Variants in CHD2 observed in about 807,000 individuals in gnomAD.
CHD2 encodes the protein ATP-dependent chromatin remodeler CHD2.
In CHD2, 28 loss-of-function variants were observed where a neutral mutation model predicts 243.9. That is an observed-to-expected ratio of 0.11 (90% CI 0.09 to 0.16). The LOEUF (loss-of-function observed/expected upper bound fraction) is 0.16. Among genes scored for constraint, CHD2 ranks in the 10% least tolerant of loss-of-function variants. The probability of loss-of-function intolerance (pLI) is 1.00; values close to 1 mark genes in which losing one functional copy is unlikely to be tolerated. For synonymous variants in CHD2, 775 were observed against 779.0 expected (o/e 0.99, Z 0.09); for missense variants, 1,386 against 2,209.8 (o/e 0.63, Z 7.47).
intron 3 of CHD2, among the ~76,000 whole-genome samples, chr15:92,924,851 T>C (rs2053028043): frequency 6.6e-6 from 1 of 152,120 alleles, no homozygotes; most frequent in South Asian, 2.1e-4. Context: ...CAGCCTGGAG[T>C]GCGCAGTGGC....
At chr15:92,986,792 T>A (rs1314502525) in intron 26 of CHD2, among the ~76,000 whole-genome samples, 1 of 152,212 alleles carries the variant, frequency 6.6e-6, no homozygotes, top group Non-Finnish European at 1.5e-5. Flanking sequence ...CCTATCTCAC[T>A]GTAACCTCAC....
intron 16 of CHD2, 121 bp downstream of exon 16, chr15:92,956,770 A>C: frequency 1.1e-6 from 1 of 884,044 alleles, no homozygotes; most frequent in Non-Finnish European, 1.7e-6. Flanking sequence ...CAAAGCGTCA[A>C]ATGGAGGCAG....
intron 4 of CHD2, among the ~76,000 whole-genome samples, chr15:92,928,519 C>T (rs1567128700): frequency 6.6e-6 from 1 of 152,196 alleles, no homozygotes; most frequent in Non-Finnish European, 1.5e-5. Flanking sequence ...AAAATGAATA[C>T]ATCAGTAGTT....
In CHD2 at chr15:93,001,160, G is replaced by A. The variant is rs117418126; in HGVS notation, c.4137+520G>A. ...GCTGGGATTACAGGCGTGAGTCACCGCGCCCGTCCTAAAGTTTTAATGATA... is the reference window on the plus strand; with the variant it reads ...GCTGGGATTACAGGCGTGAGTCACCACGCCCGTCCTAAAGTTTTAATGATA... On this transcript the variant is annotated intron_variant, in intron 32 of 38. Coordinates refer to ENST00000394196, the MANE Select transcript of CHD2 (RefSeq NM_001271.4). Among the ~76,000 whole-genome samples, 1,522 of 152,224 alleles carry A rather than the reference G, an allele frequency of 1.0e-2. 17 individuals are homozygous for A. The highest frequency in any genetic ancestry group is 0.017 in the Non-Finnish European group (1,158 of 67,994).
chr15:92,948,891 C>A, intron 12 of CHD2, 61 bp from the exon 13 acceptor site: 1 of 1,522,512 alleles, frequency 6.6e-7, no homozygotes, highest in Non-Finnish European at 8.9e-7. Flanking sequence ...TGAATTGTGG[C>A]TAGCGTTTTA....
At chr15:92,922,264 T>G (rs2052969957) in intron 2 of CHD2, among the ~76,000 whole-genome samples, 1 of 152,152 alleles carries the variant, frequency 6.6e-6, no homozygotes, top group African/African-American at 2.4e-5. Context: ...AAGAGGTCAG[T>G]TTTTTTCGTC....
chr15:92,970,626 C>T (rs148528525), intron 17 of CHD2, among the ~76,000 whole-genome samples: 58 of 152,076 alleles, frequency 3.8e-4, no homozygotes, highest in African/African-American at 1.3e-3. Context: ...GGTAGCATAC[C>T]GTATACACTT....
At position 92,984,541 on chromosome 15, in the gene CHD2, T is replaced by C. The variant is rs373889010; in HGVS notation, c.3237+41T>C. On this transcript the variant is annotated intron_variant, in intron 25 of 38. Transcript: ENST00000394196. ...GAAAGATATGAAATTATTTCTTATG[T>C]TGTGAATGCTACAGAAGTGTTGATT... The C allele has an allele frequency of 1.0e-4, 159 of 1,555,184 alleles. 1 individual carries two copies. The highest frequency in any genetic ancestry group is 6.2e-4 in the South Asian group (50 of 80,798).
At chr15:92,916,728 AT>A (rs1404593499) in intron 2 of CHD2, among the ~76,000 whole-genome samples, 2 of 152,018 alleles carry the variant, frequency 1.3e-5, no homozygotes, top group African/African-American at 4.8e-5. Flanking sequence ...TAATTTTTGT[AT>A]TTTTAGTAGA....
At chr15:92,912,773 ATCCGCCAACCTTG>A (rs2052763027) in intron 2 of CHD2, among the ~76,000 whole-genome samples, 1 of 147,156 alleles carries the variant, frequency 6.8e-6, no homozygotes, top group Non-Finnish European at 1.5e-5. Flanking sequence ...TGACCTCGTG[ATCCGCCAACCTTG>A]TGATCCGCCC....
rs116976625 is a variant in CHD2, at chr15:92,983,808, C to T, written c.3067-522C>T. Among the ~76,000 whole-genome samples the T allele has an allele frequency of 8.3e-3, 1,265 of 152,210 alleles. 15 individuals are homozygous for T. The highest frequency in any genetic ancestry group is 0.026 in the African/African-American group (1,084 of 41,542). Reference sequence around the variant, plus strand: ...TTTTATTTCCTAAGACTAAAGTGCACTTGTGAGCATATGAAATCACCACAC... The same window carrying T: ...TTTTATTTCCTAAGACTAAAGTGCATTTGTGAGCATATGAAATCACCACAC... On this transcript the variant is annotated intron_variant, in intron 24 of 38. Transcript: ENST00000394196.
chr15:92,955,719 T>G (rs941200386), intron 15 of CHD2, among the ~76,000 whole-genome samples: 5 of 152,222 alleles, frequency 3.3e-5, no homozygotes, highest in Non-Finnish European at 7.3e-5. Context: ...CCAGAAAAAT[T>G]ACTTTTCAAA....
At chr15:93,003,214 G>C (rs1350918836) in intron 33 of CHD2, among the ~76,000 whole-genome samples, 1 of 151,468 alleles carries the variant, frequency 6.6e-6, no homozygotes, top group Non-Finnish European at 1.5e-5. Context: ...AGGCCCAGGA[G>C]CTCGAGGCTG....
chr15:93,014,945 A>G lies in CHD2; in HGVS notation c.4906+36A>G, dbSNP rs2054439119. On this transcript the variant is annotated intron_variant, in intron 37 of 38. Coordinates refer to ENST00000394196, the MANE Select transcript of CHD2 (RefSeq NM_001271.4). ...AAGTGGAGTTTTTAAAAGAGGTGCCAAAAGATAAAAAATTCACACAGCCGT... is the reference window on the plus strand; with the variant it reads ...AAGTGGAGTTTTTAAAAGAGGTGCCGAAAGATAAAAAATTCACACAGCCGT... The G allele has an allele frequency of 3.2e-6, 5 of 1,557,068 alleles. No individual in the cohort carries two copies. In the African/African-American group the frequency reaches 6.8e-5, roughly 21 times the overall value.
chr15:92,953,452 A>G lies in CHD2; in HGVS notation c.1598A>G (p.Tyr533Cys). 2 of 1,614,170 alleles carry G rather than the reference A, an allele frequency of 1.2e-6. No homozygotes were observed. Among genetic ancestry groups the G allele is most frequent in the Non-Finnish European group, 1.7e-6 (2 of 1,180,030 alleles). Residue 533 changes from tyrosine to cysteine, a missense_variant, in exon 14 of 39, where the codon TAT becomes TGT. Around this residue, in one of 19 missense-constraint regions of CHD2, gnomAD observed 63 missense variants for 108.8 expected, o/e 0.58. Transcript: ENST00000394196. Reference protein sequence around the residue: ...LSYLFHQHQLYGPFLIVVPLS... With the variant: ...LSYLFHQHQLCGPFLIVVPLS... Reference sequence around the variant, plus strand: ...TACCTGTTCCACCAACACCAGCTGTATGGCCCCTTTCTTATAGTCGTCCCT... The same window carrying G: ...TACCTGTTCCACCAACACCAGCTGTGTGGCCCCTTTCTTATAGTCGTCCCT...
intron 31 of CHD2, among the ~76,000 whole-genome samples, chr15:92,999,956 G>T (rs1244336155): frequency 6.6e-6 from 1 of 152,106 alleles, no homozygotes; most frequent in Admixed American, 6.5e-5. Context: ...GAATCAGTAG[G>T]TTTAAGGAAT....
At chr15:92,960,710 T>TTTTG (rs2053674906) in intron 16 of CHD2, among the ~76,000 whole-genome samples, 1 of 139,606 alleles carries the variant, frequency 7.2e-6, no homozygotes, top group Non-Finnish European at 1.6e-5. Context: ...TTGGTGTTTT[T>TTTTG]TTTTTTTTTT....
intron 6 of CHD2, among the ~76,000 whole-genome samples, chr15:92,939,263 A>T (rs1030453572): frequency 8.5e-5 from 13 of 152,216 alleles, no homozygotes; most frequent in Admixed American, 7.8e-4. Context: ...CACCAAAGAG[A>T]TACTATCATG....
chr15:92,987,175 G>A (rs1425156814), intron 26 of CHD2, among the ~76,000 whole-genome samples: 1 of 152,000 alleles, frequency 6.6e-6, no homozygotes, highest in African/African-American at 2.4e-5. Flanking sequence ...ATAATCGATA[G>A]GTCTTGATTG....
Sources: allele counts gnomAD v4.1 joint callset (sites outside exome capture counted in the v4.1 genomes callset), GRCh38; gene constraint gnomAD v4.1.1; regional missense constraint gnomAD v4.1.1; transcripts MANE v1.5; gene names NCBI Gene and HGNC (gene_info 2026-07-23, HGNC 2026-07-21).